Variants in AP3S1 observed in about 807,000 individuals in gnomAD.
AP3S1 encodes AP-3 complex subunit sigma-1.
Under a neutral mutation model 21.3 loss-of-function variants are expected in AP3S1, and 12 were observed. The ratio of observed to expected loss-of-function variants is 0.56; its 90% CI spans 0.36 to 0.91. The LOEUF is 0.91. AP3S1 is among the 40% of genes least tolerant of loss of function. The pLI is 0.01. For synonymous variants in AP3S1, 48 were observed against 78.4 expected, an observed-to-expected ratio of 0.61 and a Z score of 2.05; for missense variants, 116 against 225.0, an observed-to-expected ratio of 0.52 and a Z score of 3.10.
intron 1 of AP3S1, among the ~76,000 whole-genome samples, chr5:115,864,705 A>C (rs1312582472): frequency 2.6e-5 from 4 of 152,224 alleles, no homozygotes; most frequent in Non-Finnish European, 4.4e-5. Context: ...AATGTAGCAA[A>C]AAAGGTGGGA....
At chr5:115,886,425 T>G (rs903622581) in intron 3 of AP3S1, among the ~76,000 whole-genome samples, 1 of 152,152 alleles carries the variant, frequency 6.6e-6, no homozygotes, top group Non-Finnish European at 1.5e-5. Flanking sequence ...CTACTCAATG[T>G]GAAGACGAAG....
intron 3 of AP3S1, 64 bp downstream of exon 3, chr5:115,870,192 T>C (rs1279373841): frequency 3.0e-6 from 3 of 1,004,136 alleles, no homozygotes; most frequent in Non-Finnish European, 4.4e-6. Flanking sequence ...TTTAAAAACT[T>C]ATATATTCTA....
chr5:115,845,924 C>T (rs1762029731), intron 1 of AP3S1, among the ~76,000 whole-genome samples: 1 of 144,922 alleles, frequency 6.9e-6, no homozygotes. Flanking sequence ...CCTTCTATAT[C>T]CTTGGTCTAT....
intron 3 of AP3S1, among the ~76,000 whole-genome samples, chr5:115,873,564 CT>C (rs545597536): frequency 5.5e-4 from 83 of 152,266 alleles, no homozygotes; most frequent in African/African-American, 1.9e-3. Flanking sequence ...TGGTTGTGAT[CT>C]TTCCCCTTCA....
intron 1 of AP3S1, among the ~76,000 whole-genome samples, chr5:115,860,529 C>T (rs1304539315): frequency 6.6e-6 from 1 of 152,164 alleles, no homozygotes; most frequent in Non-Finnish European, 1.5e-5. Flanking sequence ...AACAAACTTT[C>T]CATCCTTATT....
intron 1 of AP3S1, among the ~76,000 whole-genome samples, chr5:115,846,403 G>T (rs1762067847): frequency 6.6e-6 from 1 of 152,200 alleles, no homozygotes; most frequent in South Asian, 2.1e-4. Flanking sequence ...ATGTATGCAT[G>T]TGTGTGTACA....
intron 1 of AP3S1, among the ~76,000 whole-genome samples, chr5:115,852,639 TC>T (rs1272958035): frequency 6.6e-6 from 1 of 152,122 alleles, no homozygotes; most frequent in Non-Finnish European, 1.5e-5. Context: ...CTCCCCACTG[TC>T]CCTGGCAACC....
chr5:115,883,377 A>G (rs1398673848), intron 3 of AP3S1, among the ~76,000 whole-genome samples: 1 of 152,224 alleles, frequency 6.6e-6, no homozygotes, highest in Non-Finnish European at 1.5e-5. Flanking sequence ...TGCAAAGACC[A>G]TGGGAAAAGT....
At chr5:115,880,540 T>C (rs2112870328) in intron 3 of AP3S1, among the ~76,000 whole-genome samples, 1 of 152,338 alleles carries the variant, frequency 6.6e-6, no homozygotes, top group Admixed American at 6.5e-5. Flanking sequence ...TGAGTTCTAA[T>C]TTGATAGCAC....
At chr5:115,863,664 T>C (rs1395285282) in intron 1 of AP3S1, among the ~76,000 whole-genome samples, 1 of 152,226 alleles carries the variant, frequency 6.6e-6, no homozygotes. Context: ...AATCCCTTTT[T>C]ACGTCGTATT....
intron 1 of AP3S1, among the ~76,000 whole-genome samples, chr5:115,859,881 C>T (rs1254782071): frequency 2.0e-5 from 3 of 152,192 alleles, no homozygotes; most frequent in Non-Finnish European, 4.4e-5. Flanking sequence ...GTACATTTAC[C>T]TAATCCCCAT....
At chr5:115,845,473 T>C (rs1761985945) in intron 1 of AP3S1, among the ~76,000 whole-genome samples, 1 of 152,100 alleles carries the variant, frequency 6.6e-6, no homozygotes, top group South Asian at 2.1e-4. Context: ...ATGTGAGAAA[T>C]AGGAAGTTGC....
At position 115,866,544 on chromosome 5, in the gene AP3S1, T is replaced by G. The variant is rs182398784; in HGVS notation, c.70-126T>G. The G allele has an allele frequency of 2.2e-5, 11 of 502,634 alleles. No homozygotes were observed. The East Asian group carries it at 3.9e-4, about 18-fold the overall frequency. 31.1% of individuals were successfully genotyped at this position (502,634 alleles called of 1,614,324 possible). ...TCTGTAAGGTATAATTTAAGTCACT[T>G]CTCCAAGGACCCCTCTCTTAGATGG... is the stretch of plus-strand genomic sequence containing the variant. On this transcript the variant is annotated intron_variant, in intron 1 of 5. Transcript: ENST00000316788.
At chr5:115,859,578 A>G (rs1278814231) in intron 1 of AP3S1, among the ~76,000 whole-genome samples, 1 of 152,230 alleles carries the variant, frequency 6.6e-6, no homozygotes, top group Non-Finnish European at 1.5e-5. Flanking sequence ...GTAGGCTTTC[A>G]TGCCAGCTCT....
Position 115,884,722 on chromosome 5 carries a change from C to G in AP3S1, c.274-10365C>G, listed in dbSNP as rs902743245. ...ATCAACTATACAGAGTCTTTCTAAA[C>G]TTAACATGAAAATATTAATATTATA... On this transcript the variant is annotated intron_variant, in intron 3 of 5. Transcript: ENST00000316788. Among the ~76,000 whole-genome samples, 5 of 152,196 alleles carry G rather than the reference C, an allele frequency of 3.3e-5. No individual in the cohort carries two copies. In the South Asian group the frequency reaches 1.0e-3, roughly 31 times the overall value.
At chr5:115,902,270 AT>A (rs1751281657) in intron 4 of AP3S1, among the ~76,000 whole-genome samples, 1 of 152,222 alleles carries the variant, frequency 6.6e-6, no homozygotes, top group South Asian at 2.1e-4. Context: ...CAGAAGTTAT[AT>A]TTTTACTCCC....
chr5:115,843,902 G>C (rs1032621430), intron 1 of AP3S1, among the ~76,000 whole-genome samples: 1 of 152,210 alleles, frequency 6.6e-6, no homozygotes, highest in African/African-American at 2.4e-5. Context: ...GTTAATGTGG[G>C]AAGTGGCAGT....
At chr5:115,898,336 T>C (rs1055056731) in intron 4 of AP3S1, among the ~76,000 whole-genome samples, 5 of 152,330 alleles carry the variant, frequency 3.3e-5, no homozygotes, top group African/African-American at 1.2e-4. Context: ...TTTTCTTTTA[T>C]TGTGGTTGTT....
chr5:115,907,394 A>G (rs933792121), intron 5 of AP3S1, among the ~76,000 whole-genome samples: 3 of 152,156 alleles, frequency 2.0e-5, no homozygotes, highest in African/African-American at 7.2e-5. Context: ...AGTGACTGTT[A>G]AATAGTACTT....
Sources: allele counts gnomAD v4.1 joint callset (sites outside exome capture counted in the v4.1 genomes callset), GRCh38; gene constraint gnomAD v4.1.1; transcripts MANE v1.5; gene names NCBI Gene and HGNC (gene_info 2026-07-23, HGNC 2026-07-21).